The following GFRA2 variants were observed in gnomAD, a reference collection of about 807,000 sequenced individuals.
GFRA2 encodes the protein GDNF family receptor alpha-2.
In GFRA2, 17 loss-of-function variants were observed where a neutral mutation model predicts 48.3. That is an observed-to-expected ratio of 0.35 (90% CI 0.24 to 0.53). The LOEUF is 0.53. GFRA2 is among the 20% of genes least tolerant of loss of function. The pLI is 0.93. For missense variants in GFRA2, 660 were observed against 637.3 expected (o/e 1.04, Z -0.38); for synonymous variants, 305 against 257.2 (o/e 1.19, Z -1.78).
At chr8:21,741,725 C>T (rs112455636) in intron 4 of GFRA2, among the ~76,000 whole-genome samples, 15,927 of 152,032 alleles carry the variant, frequency 0.1, 1,033 homozygotes, top group Middle Eastern at 0.24. Flanking sequence ...AGTTCAAGAC[C>T]AGCCTGGCCA....
In GFRA2 at chr8:21,691,338, G is replaced by C. The variant is rs1801878063; in HGVS notation, c.*1940C>G. 1 of 152,248 alleles carries C rather than the reference G, an allele frequency of 6.6e-6. No individual in the cohort carries two copies. 9.4% of individuals were successfully genotyped at this position (152,248 alleles called of 1,614,324 possible). A position where few individuals can be genotyped will look rare whatever the true frequency, so the allele number is the denominator to read the frequency against. On this transcript the variant is annotated 3_prime_UTR_variant, in exon 9 of 9. Transcript: ENST00000524240. ...TGGACACACACACACTTGGCCAGCA[G>C]GCATTCTCCTGGTCCTCTCTGGGGA... is the stretch of plus-strand genomic sequence containing the variant.
intron 3 of GFRA2, among the ~76,000 whole-genome samples, chr8:21,762,257 A>C (rs1364307918): frequency 1.3e-5 from 2 of 152,150 alleles, no homozygotes; most frequent in South Asian, 2.1e-4. Context: ...AGCTGGAAGC[A>C]ATACATCAGT....
At chr8:21,807,212 G>A (rs902067061) in intron 1 of GFRA2, among the ~76,000 whole-genome samples, 2 of 152,166 alleles carry the variant, frequency 1.3e-5, no homozygotes, top group African/African-American at 4.8e-5. Context: ...CACATGAATG[G>A]ATTAATGTCA....
At chr8:21,713,645 G>T (rs1013945031) in intron 4 of GFRA2, among the ~76,000 whole-genome samples, 1 of 152,046 alleles carries the variant, frequency 6.6e-6, no homozygotes, top group Admixed American at 6.6e-5. Flanking sequence ...CTCAAAGTGT[G>T]GTCCGCAGAC....
intron 6 of GFRA2, among the ~76,000 whole-genome samples, chr8:21,703,376 C>T (rs916322172): frequency 4.6e-5 from 7 of 152,056 alleles, no homozygotes; most frequent in African/African-American, 1.4e-4. Flanking sequence ...CAGGCTCTTC[C>T]GGCCCCTGTG....
At chr8:21,786,306 G>A (rs1807265291) in intron 1 of GFRA2, among the ~76,000 whole-genome samples, 2 of 151,642 alleles carry the variant, frequency 1.3e-5, no homozygotes, top group Non-Finnish European at 2.9e-5. Flanking sequence ...GCAATGACCA[G>A]GGGCCCACAC....
chr8:21,786,036 C>T (rs2117085246), intron 1 of GFRA2, among the ~76,000 whole-genome samples: 1 of 152,352 alleles, frequency 6.6e-6, no homozygotes, highest in African/African-American at 2.4e-5. Context: ...GGTCACTCCA[C>T]TCAGCCCAGC....
rs140439492 is a variant in GFRA2 at position 21,742,964 on chromosome 8, T to C, written c.794+7624A>G. Among the ~76,000 whole-genome samples the C allele has an allele frequency of 1.9e-3, 288 of 152,336 alleles. 1 individual carries two copies. The highest frequency in any genetic ancestry group is 6.5e-3 in the African/African-American group (271 of 41,576). ...GTAGCAGCCACAGCAGGGTGAAGCA[T>C]GAATCCTATCTTGTAAACTAGAGCT... On this transcript the variant is annotated intron_variant, in intron 4 of 8. Coordinates refer to ENST00000524240, the MANE Select transcript of GFRA2 (RefSeq NM_001495.5).
At chr8:21,729,204 G>A (rs898719786) in intron 4 of GFRA2, among the ~76,000 whole-genome samples, 1 of 152,140 alleles carries the variant, frequency 6.6e-6, no homozygotes, top group Admixed American at 6.5e-5. Flanking sequence ...GTTGGGTCAC[G>A]CTGTAATCCC....
chr8:21,716,768 C>G (rs1585247878), intron 4 of GFRA2, among the ~76,000 whole-genome samples: 2 of 152,194 alleles, frequency 1.3e-5, no homozygotes, highest in Non-Finnish European at 2.9e-5. Flanking sequence ...AAAAACACAG[C>G]CATGCATGGA....
chr8:21,763,323 TCTC>T (rs1268436264), intron 3 of GFRA2, among the ~76,000 whole-genome samples: 3 of 152,222 alleles, frequency 2.0e-5, no homozygotes, highest in Admixed American at 1.3e-4. Context: ...GGGCCTCCTT[TCTC>T]CTCATCATTT....
intron 2 of GFRA2, among the ~76,000 whole-genome samples, chr8:21,797,127 T>C (rs1585351296): frequency 6.6e-6 from 1 of 152,302 alleles, no homozygotes; most frequent in Admixed American, 6.5e-5. Context: ...TTAAATGCTT[T>C]AGTAAAATAA....
At chr8:21,770,674 G>A (rs1806395376) in intron 3 of GFRA2, among the ~76,000 whole-genome samples, 2 of 152,180 alleles carry the variant, frequency 1.3e-5, no homozygotes, top group African/African-American at 4.8e-5. Context: ...CAGACACAGT[G>A]CCTGATGACA....
At chr8:21,734,415 C>A (rs1187518838) in intron 4 of GFRA2, among the ~76,000 whole-genome samples, 1 of 152,248 alleles carries the variant, frequency 6.6e-6, no homozygotes, top group African/African-American at 2.4e-5. Context: ...CAGACCAGGT[C>A]TGCAGGCCAG....
chr8:21,742,493 T>G (rs1804796286), intron 4 of GFRA2, among the ~76,000 whole-genome samples: 1 of 152,144 alleles, frequency 6.6e-6, no homozygotes, highest in Non-Finnish European at 1.5e-5. Context: ...GAAGTAAATG[T>G]TTGCTGTTGA....
intron 4 of GFRA2, among the ~76,000 whole-genome samples, chr8:21,746,361 A>T (rs1805005879): frequency 6.6e-6 from 1 of 152,130 alleles, no homozygotes; most frequent in Admixed American, 6.5e-5. Flanking sequence ...TTCCGCCCTC[A>T]TTCCTTCCCT....
At chr8:21,697,221 C>CAG (rs1802253241) in intron 7 of GFRA2, among the ~76,000 whole-genome samples, 1 of 30,010 alleles carries the variant, frequency 3.3e-5, no homozygotes, top group Non-Finnish European at 6.3e-5. Context: ...GAGGGGAGGG[C>CAG]ATGGTAAGGG....
intron 1 of GFRA2, among the ~76,000 whole-genome samples, chr8:21,807,501 G>A (rs1050693549): frequency 1.3e-5 from 2 of 152,192 alleles, no homozygotes; most frequent in Admixed American, 1.3e-4. Context: ...CCATGACAAA[G>A]TACTGTAAAC....
intron 4 of GFRA2, among the ~76,000 whole-genome samples, chr8:21,722,738 G>A (rs1358395629): frequency 6.6e-6 from 1 of 152,156 alleles, no homozygotes; most frequent in East Asian, 1.9e-4. Context: ...CCTAATCCCT[G>A]AATTATGGGT....
Sources: gnomAD v4.1 joint callset for allele counts (sites outside exome capture counted in the v4.1 genomes callset) on GRCh38, gnomAD v4.1.1 for gene constraint, MANE v1.5 for transcripts, NCBI Gene and HGNC (gene_info 2026-07-23, HGNC 2026-07-21) for gene names.